The following ZNF846 variants were observed in gnomAD, a reference collection of about 807,000 sequenced individuals.
The protein encoded by ZNF846 is zinc finger protein 846.
A neutral mutation model predicts 16.0 loss-of-function variants in ZNF846; 15 were observed. The observed-to-expected ratio is 0.94, with a 90% CI of 0.63 to 1.45. The LOEUF (loss-of-function observed/expected upper bound fraction) is 1.45, where lower values mean the gene tolerates loss of function less well. Ranked by LOEUF, ZNF846 falls within the 40% of genes most tolerant of loss-of-function variation. The pLI, the probability that ZNF846 is intolerant of heterozygous loss-of-function variation, is 0.00. For synonymous variants in ZNF846, 229 were observed against 212.0 expected, an observed-to-expected ratio of 1.08 and a Z score of -0.70; for missense variants, 714 against 622.3, an observed-to-expected ratio of 1.15 and a Z score of -1.57.
At chr19:9,759,256 C>A (rs749740506) in intron 5 of ZNF846, among the ~76,000 whole-genome samples, 1 of 151,818 alleles carries the variant, frequency 6.6e-6, no homozygotes, top group Non-Finnish European at 1.5e-5. Flanking sequence ...CTTTGGCCTC[C>A]CAAAGTGCTG....
At chr19:9,753,659 G>C (rs1040463588), downstream of ZNF846, among the ~76,000 whole-genome samples, 6 of 151,622 alleles carry the variant, frequency 4.0e-5, no homozygotes, top group African/African-American at 9.8e-5. Flanking sequence ...GTGAATTCTT[G>C]CTTCACCCAT....
downstream of ZNF846, among the ~76,000 whole-genome samples, chr19:9,753,680 G>A (rs62105741): frequency 0.02 from 3,054 of 151,856 alleles, 48 homozygotes; most frequent in Non-Finnish European, 0.034. Context: ...TGATAGATCA[G>A]GAGTGTGTTG....
exon 3 of ZNF846, chr19:9,763,353 A>C: frequency 6.2e-7 from 1 of 1,611,758 alleles, no homozygotes; most frequent in Non-Finnish European, 8.5e-7. Context: ...TTGATCCAAC[A>C]AAGTCCACTC....
intron 1 of ZNF846, 100 bp from the exon 2 acceptor site, chr19:9,765,135 G>A: frequency 4.8e-6 from 3 of 624,232 alleles, no homozygotes; most frequent in Middle Eastern, 5.5e-4. Context: ...CACTTTGGGA[G>A]GCCAAGGTAG....
chr19:9,783,544 A>AATATATAT (rs1555714919), intron 1 of ZNF846, among the ~76,000 whole-genome samples: 36 of 108,790 alleles, frequency 3.3e-4, no homozygotes, highest in Middle Eastern at 4.3e-3. Flanking sequence ...AAAAAAAAAA[A>AATATATAT]ATATATATAT....
downstream of ZNF846, among the ~76,000 whole-genome samples, chr19:9,752,885 C>T (rs115776336): frequency 0.027 from 4,087 of 149,918 alleles, 301 homozygotes; most frequent in African/African-American, 0.098. Context: ...TTCACTGTAT[C>T]TGTCCATTCA....
At chr19:9,783,542 A>ATATATATATATATATATAT (rs61553274) in intron 1 of ZNF846, among the ~76,000 whole-genome samples, 9 of 118,412 alleles carry the variant, frequency 7.6e-5, no homozygotes, top group African/African-American at 3.6e-4. Flanking sequence ...AAAAAAAAAA[A>ATATATATATATATATATAT]AAATATATAT....
chr19:9,759,943 C>T lies in ZNF846; in HGVS notation c.230-1G>A, dbSNP rs1341816862. 6.2e-7 allele frequency: 1 copy of T among 1,611,358 alleles called. No homozygotes were observed. On this transcript the variant is annotated splice_acceptor_variant, in intron 4 of 5. Coordinates refer to ENST00000397902, the Ensembl canonical transcript of ZNF846. LOFTEE classifies it high-confidence loss of function. ...TTGGTTTTGAGTTGCAAATCCAATT[C>T]TGAAATAAAGTGAAAAATGCAGCTT...
At chr19:9,775,794 AAG>A (rs1047863663) in intron 1 of ZNF846, among the ~76,000 whole-genome samples, 1 of 152,220 alleles carries the variant, frequency 6.6e-6, no homozygotes, top group African/African-American at 2.4e-5. Context: ...GTGCTGAAGC[AAG>A]AGACCGAGGA....
At chr19:9,750,548 C>T (rs903118556), downstream of ZNF846, among the ~76,000 whole-genome samples, 2 of 152,176 alleles carry the variant, frequency 1.3e-5, no homozygotes, top group Non-Finnish European at 2.9e-5. Context: ...TCCACGTACA[C>T]CTGCCAACTG....
intron 1 of ZNF846, among the ~76,000 whole-genome samples, chr19:9,779,479 G>C (rs1419933219): frequency 1.3e-5 from 2 of 151,770 alleles, no homozygotes; most frequent in African/African-American, 4.8e-5. Context: ...TGTTGGTCAG[G>C]CTGGTCTCAA....
chr19:9,749,775 T>C (rs1477316449), downstream of ZNF846, among the ~76,000 whole-genome samples: 18 of 152,150 alleles, frequency 1.2e-4, no homozygotes. Flanking sequence ...CTACCTCTCC[T>C]GTCTCCCTAC....
chr19:9,769,087 C>A (rs1381521537), upstream of ZNF846, among the ~76,000 whole-genome samples: 1 of 152,120 alleles, frequency 6.6e-6, no homozygotes, highest in Non-Finnish European at 1.5e-5. Context: ...TTTTTAATTT[C>A]TCTTTTTAGT....
chr19:9,784,736 C>G (rs961654852), intron 1 of ZNF846, among the ~76,000 whole-genome samples: 4 of 152,112 alleles, frequency 2.6e-5, no homozygotes, highest in African/African-American at 9.7e-5. Flanking sequence ...GAGGTGCCTG[C>G]GGCCTTCCAC....
At chr19:9,755,033 T>A (rs941299927), downstream of ZNF846, among the ~76,000 whole-genome samples, 2 of 151,250 alleles carry the variant, frequency 1.3e-5, no homozygotes, top group African/African-American at 4.9e-5. Context: ...ACCCAGCTAA[T>A]TTTTGTATTT....
intron 1 of ZNF846, among the ~76,000 whole-genome samples, chr19:9,784,964 C>G (rs2045542788): frequency 6.6e-6 from 1 of 152,164 alleles, no homozygotes; most frequent in South Asian, 2.1e-4. Context: ...AAGTACAGAT[C>G]AAAATGGAGT....
chr19:9,778,360 G>A (rs1318732549), intron 1 of ZNF846, among the ~76,000 whole-genome samples: 1 of 152,250 alleles, frequency 6.6e-6, no homozygotes, highest in African/African-American at 2.4e-5. Flanking sequence ...CATGGATGAT[G>A]TCAAAGGCAT....
chr19:9,757,746 T>C, exon 6 of ZNF846: 1 of 1,613,600 alleles, frequency 6.2e-7, no homozygotes. Context: ...TTCTCCAGTG[T>C]GAGTTCTTAA....
At chr19:9,753,418 ATTTTT>A (rs575904125), downstream of ZNF846, among the ~76,000 whole-genome samples, 1 of 135,570 alleles carries the variant, frequency 7.4e-6, no homozygotes, top group African/African-American at 2.8e-5. Flanking sequence ...CACTGGGCTG[ATTTTT>A]TTTTTTTTTT....
Sources: gnomAD v4.1 joint callset for allele counts (sites outside exome capture counted in the v4.1 genomes callset) on GRCh38, gnomAD v4.1.1 for gene constraint, MANE v1.5 for transcripts, NCBI Gene and HGNC (gene_info 2026-07-23, HGNC 2026-07-21) for gene names.